NDUFS6: variants seen among roughly 807,000 people sequenced by gnomAD.
NDUFS6 encodes NADH dehydrogenase [ubiquinone] iron-sulfur protein 6, mitochondrial.
A neutral mutation model predicts 13.2 loss-of-function variants in NDUFS6; 14 were observed. The ratio of observed to expected loss-of-function variants is 1.06; its 90% CI spans 0.70 to 1.66. The LOEUF is 1.66. NDUFS6 is among the 40% of genes most tolerant of loss of function. NDUFS6 has a pLI of 0.00. For synonymous variants in NDUFS6, 95 were observed against 72.3 expected (o/e 1.31, Z -1.60); for missense variants, 206 against 170.8 (o/e 1.21, Z -1.15).
At position 1,814,091 on chromosome 5, in the gene NDUFS6, G is replaced by T. The variant is rs547858239; in HGVS notation, c.187-248G>T. Among the ~76,000 whole-genome samples, 2 of 152,228 alleles carry T rather than the reference G, an allele frequency of 1.3e-5. No homozygotes were observed. Among genetic ancestry groups the T allele is most frequent in the Non-Finnish European group, 2.9e-5 (2 of 68,044 alleles). ...TGTCAGCATTTGCTGGGTCCACGGGGACAGAAGGGAAAGGCTCTGTGCTGC... is the reference window on the plus strand; with the variant it reads ...TGTCAGCATTTGCTGGGTCCACGGGTACAGAAGGGAAAGGCTCTGTGCTGC... On this transcript the variant is annotated intron_variant, in intron 2 of 3. Coordinates refer to ENST00000274137, the MANE Select transcript of NDUFS6 (RefSeq NM_004553.6). This position sits in a 1 kb window ranked among gnomAD's most constrained non-coding sequence, Gnocchi z 4.9.
Position 1,815,931 on chromosome 5 carries a change from C to G in NDUFS6, c.*15C>G. 1 of 1,614,104 alleles carries G rather than the reference C, an allele frequency of 6.2e-7. No individual in the cohort carries two copies. Among genetic ancestry groups the G allele is most frequent in the Non-Finnish European group, 8.5e-7 (1 of 1,179,942 alleles). Reference sequence around the variant, plus strand: ...ACCACCACTAGAGCGTGTGGCACGCCGGGGGTCCCGCAGCATCCTGTGAGC... The same window carrying G: ...ACCACCACTAGAGCGTGTGGCACGCGGGGGGTCCCGCAGCATCCTGTGAGC... On this transcript the variant is annotated 3_prime_UTR_variant, in exon 4 of 4. Transcript: ENST00000274137.
rs151162857 is a variant in NDUFS6, at chr5:1,815,551, G to A, written c.310-300G>A. On this transcript the variant is annotated intron_variant, in intron 3 of 3. Transcript: ENST00000274137. ...CCAAGCCTGGTTGTGCCTCACTGTC[G>A]TGTGCAGCACCCACCGCCTGCTCCA... 8.9e-3 allele frequency among the ~76,000 whole-genome samples: 1,349 copies of A among 152,286 alleles called. 23 individuals carry two copies. Among genetic ancestry groups the A allele is most frequent in the African/African-American group, 0.031 (1,297 of 41,556 alleles).
intron 1 of NDUFS6, chr5:1,802,082 C>G (rs1253032412): frequency 9.4e-6 from 5 of 529,272 alleles, no homozygotes; most frequent in Non-Finnish European, 1.3e-5. Flanking sequence ...TCCTCCTTAG[C>G]TCCACCTTCC....
intron 2 of NDUFS6, among the ~76,000 whole-genome samples, chr5:1,813,202 A>G (rs1371240283): frequency 1.3e-5 from 2 of 152,188 alleles, no homozygotes; most frequent in African/African-American, 2.4e-5. Flanking sequence ...CTGATTTTTC[A>G]ATAATAATTT....
rs955089781 is a variant in NDUFS6 at position 1,814,663 on chromosome 5, C to G, written c.309+202C>G. The G allele has an allele frequency of 3.7e-6, 3 of 818,674 alleles. No individual in the cohort carries two copies. The highest frequency in any genetic ancestry group is 2.9e-5 in the South Asian group (2 of 69,882). 50.7% of individuals were successfully genotyped at this position (818,674 alleles called of 1,614,324 possible). On this transcript the variant is annotated intron_variant, in intron 3 of 3. Coordinates refer to ENST00000274137, the MANE Select transcript of NDUFS6 (RefSeq NM_004553.6). This position sits in a 1 kb window ranked among gnomAD's most constrained non-coding sequence, Gnocchi z 4.9. Reference sequence around the variant, plus strand: ...AGCCGCCTGTCCGAAAACCCCCTTTCAACTGTGAAGTGGTGGGCGGCATGT... The same window carrying G: ...AGCCGCCTGTCCGAAAACCCCCTTTGAACTGTGAAGTGGTGGGCGGCATGT...
intron 2 of NDUFS6, among the ~76,000 whole-genome samples, chr5:1,812,334 G>T (rs1734230697): frequency 2.0e-5 from 3 of 151,906 alleles, no homozygotes; most frequent in African/African-American, 7.2e-5. Context: ...TGACTATTCA[G>T]TTTCCAACAG....
intron 2 of NDUFS6, among the ~76,000 whole-genome samples, chr5:1,804,311 A>G (rs1407057500): frequency 1.3e-5 from 2 of 152,198 alleles, no homozygotes; most frequent in East Asian, 1.9e-4. Flanking sequence ...TCTGCTGAAC[A>G]TTCTTTGTGT....
At chr5:1,806,844 A>T (rs971786234) in intron 2 of NDUFS6, among the ~76,000 whole-genome samples, 1 of 152,210 alleles carries the variant, frequency 6.6e-6, no homozygotes, top group African/African-American at 2.4e-5. Flanking sequence ...GGTCCGGGGT[A>T]CACTCGTGTC....
chr5:1,807,571 A>G (rs1305266561), intron 2 of NDUFS6, among the ~76,000 whole-genome samples: 3 of 152,158 alleles, frequency 2.0e-5, no homozygotes, highest in Non-Finnish European at 4.4e-5. Context: ...CCGGCAGGGC[A>G]GGGCACACTC....
chr5:1,804,618 C>T (rs1437280620), intron 2 of NDUFS6, among the ~76,000 whole-genome samples: 1 of 152,244 alleles, frequency 6.6e-6, no homozygotes, highest in Non-Finnish European at 1.5e-5. Flanking sequence ...AGCTTTCCTT[C>T]TTTCAACACA....
chr5:1,807,782 G>A (rs571682502), intron 2 of NDUFS6, among the ~76,000 whole-genome samples: 1 of 152,342 alleles, frequency 6.6e-6, no homozygotes, highest in Non-Finnish European at 1.5e-5. Context: ...GTTGGCTCTC[G>A]TGCGTGCACA....
intron 2 of NDUFS6, among the ~76,000 whole-genome samples, chr5:1,810,083 G>A (rs1328813698): frequency 1.3e-5 from 2 of 152,230 alleles, no homozygotes; most frequent in Non-Finnish European, 2.9e-5. Flanking sequence ...CCCACTGCGT[G>A]TGTGTTCTCT....
intron 2 of NDUFS6, among the ~76,000 whole-genome samples, chr5:1,806,073 T>C (rs1293458192): frequency 1.3e-5 from 2 of 152,250 alleles, no homozygotes; most frequent in Non-Finnish European, 1.5e-5. Flanking sequence ...GGCTTCACTT[T>C]TAGATTTTTT....
Position 1,814,734 on chromosome 5 carries a change from C to T in NDUFS6, c.309+273C>T, listed in dbSNP as rs1734280840. 8 of 702,894 alleles carry T rather than the reference C, an allele frequency of 1.1e-5. No individual in the cohort carries two copies. Among genetic ancestry groups the T allele is most frequent in the South Asian group, 4.4e-5 (3 of 67,424 alleles). The allele number at this position is 702,894 out of a possible 1,614,324, so 43.5% of individuals were successfully genotyped here. A position where few individuals can be genotyped will look rare whatever the true frequency, so the allele number is the denominator to read the frequency against. ...GCGTCTTTCCTCTCTGGGCCCTTCT[C>T]GGTTTGGTCATCATCTCAGCTCAGG... On this transcript the variant is annotated intron_variant, in intron 3 of 3. Coordinates refer to ENST00000274137, the MANE Select transcript of NDUFS6 (RefSeq NM_004553.6). This position sits in a 1 kb window ranked among gnomAD's most constrained non-coding sequence, Gnocchi z 4.9.
chr5:1,815,724 A>T (rs1734297693), intron 3 of NDUFS6, 127 bp from the exon 4 acceptor site: 3 of 965,530 alleles, frequency 3.1e-6, no homozygotes, highest in East Asian at 2.6e-5. Context: ...CTGCATTCTT[A>T]CTTCAGTAGT....
chr5:1,806,681 G>A (rs1734127999), intron 2 of NDUFS6, among the ~76,000 whole-genome samples: 1 of 152,192 alleles, frequency 6.6e-6, no homozygotes, highest in African/African-American at 2.4e-5. Context: ...ACGGCGTGGA[G>A]CAACTGAAAC....
intron 2 of NDUFS6, among the ~76,000 whole-genome samples, chr5:1,804,778 C>T (rs962837314): frequency 2.6e-5 from 4 of 152,242 alleles, no homozygotes; most frequent in East Asian, 1.9e-4. Context: ...TGCCATCTCT[C>T]ATTAGTGTGC....
At chr5:1,803,942 T>C (rs3776149) in intron 2 of NDUFS6, among the ~76,000 whole-genome samples, 111,996 of 152,042 alleles carry the variant, frequency 0.74, 44,378 homozygotes, top group Non-Finnish European at 0.88. Context: ...GAGGTTTCTC[T>C]TAGTGTGGAT....
At chr5:1,805,633 C>G (rs1410772288) in intron 2 of NDUFS6, among the ~76,000 whole-genome samples, 1 of 152,158 alleles carries the variant, frequency 6.6e-6, no homozygotes. Flanking sequence ...AGATGGGGGA[C>G]TGGAACAAAC....
Sources: gnomAD v4.1 joint callset for allele counts (sites outside exome capture counted in the v4.1 genomes callset) on GRCh38, gnomAD v4.1.1 for gene constraint, Gnocchi (gnomAD v3.1) non-coding constraint, MANE v1.5 for transcripts, NCBI Gene and HGNC (gene_info 2026-07-23, HGNC 2026-07-21) for gene names.